CDH13: variants seen among roughly 807,000 people sequenced by gnomAD.
CDH13 encodes the protein cadherin 13.
Under a neutral mutation model 63.8 loss-of-function variants are expected in CDH13, and 24 were observed. The observed-to-expected ratio is 0.38, with a 90% confidence interval of 0.27 to 0.53. The LOEUF (loss-of-function observed/expected upper bound fraction) is 0.53. Among genes scored for constraint, CDH13 ranks in the 20% least tolerant of loss-of-function variants. CDH13 has a pLI of 0.85. For synonymous variants in CDH13, 503 were observed against 355.3 expected, an observed-to-expected ratio of 1.42 and a Z score of -4.67; for missense variants, 1,049 against 903.1, an observed-to-expected ratio of 1.16 and a Z score of -2.07.
intron 4 of CDH13, among the ~76,000 whole-genome samples, chr16:83,210,870 C>T (rs960559503): frequency 4.6e-5 from 7 of 151,354 alleles, no homozygotes; most frequent in Admixed American, 2.6e-4. Context: ...TTACTAGAGG[C>T]CGGGCGTGGT....
At chr16:82,889,324 A>C (rs200833138) in intron 2 of CDH13, among the ~76,000 whole-genome samples, 8 of 110,234 alleles carry the variant, frequency 7.3e-5, no homozygotes, top group East Asian at 2.1e-4. Flanking sequence ...CTCTCTCTCT[A>C]CCTACCTACC....
At chr16:82,645,903 C>T (rs565506480) in intron 1 of CDH13, among the ~76,000 whole-genome samples, 6 of 152,314 alleles carry the variant, frequency 3.9e-5, no homozygotes, top group Admixed American at 2.0e-4. Flanking sequence ...AATGTGAAGA[C>T]GAGATTGCTG....
At chr16:83,481,519 C>T (rs187655175) in intron 6 of CDH13, among the ~76,000 whole-genome samples, 66 of 152,112 alleles carry the variant, frequency 4.3e-4, no homozygotes, top group Admixed American at 4.1e-3. Context: ...AGAAACCAGG[C>T]GGCACTTGCT....
intron 4 of CDH13, among the ~76,000 whole-genome samples, chr16:83,147,828 C>G: frequency 6.6e-6 from 1 of 152,160 alleles, no homozygotes; most frequent in Non-Finnish European, 1.5e-5. Flanking sequence ...ATCTTGGTCT[C>G]TGGCTCTGAG....
intron 2 of CDH13, among the ~76,000 whole-genome samples, chr16:82,974,916 G>A (rs1040145424): frequency 6.6e-6 from 1 of 152,122 alleles, no homozygotes; most frequent in Non-Finnish European, 1.5e-5. Flanking sequence ...TTGTTACAGC[G>A]GCCGCAGGAT....
intron 6 of CDH13, among the ~76,000 whole-genome samples, chr16:83,376,891 G>A (rs772812805): frequency 2.0e-5 from 3 of 152,150 alleles, no homozygotes; most frequent in African/African-American, 2.4e-5. Context: ...CTCTTGCAAC[G>A]TTCACTCTGA....
chr16:83,624,584 C>A (rs1910112035), intron 8 of CDH13, among the ~76,000 whole-genome samples: 1 of 152,240 alleles, frequency 6.6e-6, no homozygotes, highest in South Asian at 2.1e-4. Flanking sequence ...ACTGATCTGA[C>A]AGGAGGCGGT....
At chr16:82,709,013 G>T (rs903019700) in intron 1 of CDH13, among the ~76,000 whole-genome samples, 2 of 152,218 alleles carry the variant, frequency 1.3e-5, no homozygotes, top group African/African-American at 4.8e-5. Context: ...ATACTTCACA[G>T]TTGAGAAGTG....
chr16:82,928,011 G>A (rs1375706279), intron 2 of CDH13, among the ~76,000 whole-genome samples: 1 of 152,172 alleles, frequency 6.6e-6, no homozygotes, highest in Non-Finnish European at 1.5e-5. Context: ...TGTTTTTGCT[G>A]TGTATCTCTC....
chr16:83,345,625 G>A (rs950841479), intron 6 of CDH13, among the ~76,000 whole-genome samples: 4 of 152,106 alleles, frequency 2.6e-5, no homozygotes, highest in Admixed American at 6.5e-5. Flanking sequence ...TATCAGGGAC[G>A]GTTTTAGAAT....
chr16:83,004,656 C>G (rs905424938), intron 2 of CDH13, among the ~76,000 whole-genome samples: 3 of 152,080 alleles, frequency 2.0e-5, no homozygotes, highest in African/African-American at 7.2e-5. Flanking sequence ...CGCCACCACA[C>G]CCAGCAAATT....
Position 83,768,234 on chromosome 16 carries a change from C to T in CDH13, c.1682-11734C>T, listed in dbSNP as rs567786394. On this transcript the variant is annotated intron_variant, in intron 11 of 13. Transcript: ENST00000567109. ...TGTCTATTAATGACAAGATATAAAG[C>T]ACTTATATATATAGCTACTGAACAA... 6.6e-5 allele frequency among the ~76,000 whole-genome samples: 10 copies of T among 151,584 alleles called. No homozygotes were observed. In the East Asian group the frequency reaches 1.9e-3, roughly 29 times the overall value.
intron 6 of CDH13, among the ~76,000 whole-genome samples, chr16:83,480,096 G>A (rs1433547843): frequency 6.6e-6 from 1 of 152,120 alleles, no homozygotes. Flanking sequence ...AGGACAACGT[G>A]GGCAGATCGC....
At chr16:83,012,621 G>A (rs932005156) in intron 2 of CDH13, among the ~76,000 whole-genome samples, 7 of 152,098 alleles carry the variant, frequency 4.6e-5, no homozygotes, top group Non-Finnish European at 1.0e-4. Context: ...TTAAGTATGG[G>A]AAACAGACCT....
At chr16:83,309,451 C>G (rs1017419932) in intron 5 of CDH13, among the ~76,000 whole-genome samples, 12 of 152,158 alleles carry the variant, frequency 7.9e-5, no homozygotes, top group African/African-American at 2.9e-4. Flanking sequence ...TCTCGGCTCA[C>G]TGCAACCTTC....
chr16:82,978,047 C>G (rs897531048), intron 2 of CDH13, among the ~76,000 whole-genome samples: 2 of 152,120 alleles, frequency 1.3e-5, no homozygotes, highest in Admixed American at 6.5e-5. Flanking sequence ...AGCACAGGGA[C>G]TGGTGGCATT....
At chr16:82,978,021 A>G (rs1229064962) in intron 2 of CDH13, among the ~76,000 whole-genome samples, 2 of 151,996 alleles carry the variant, frequency 1.3e-5, no homozygotes, top group Non-Finnish European at 2.9e-5. Context: ...AGCAAAGGTG[A>G]CTCTCGTTAT....
At chr16:82,901,074 T>A (rs1350207029) in intron 2 of CDH13, among the ~76,000 whole-genome samples, 2 of 17,014 alleles carry the variant, frequency 1.2e-4, no homozygotes, top group Non-Finnish European at 1.1e-4. Context: ...TGTATATTGA[T>A]TTTTTTTTTT....
intron 8 of CDH13, among the ~76,000 whole-genome samples, chr16:83,645,250 A>G (rs558653151): frequency 6.6e-6 from 1 of 152,244 alleles, no homozygotes; most frequent in Admixed American, 6.5e-5. Context: ...TTGCAGCAAC[A>G]TGGGTGGAGC....
Sources: gnomAD v4.1 joint callset for allele counts (sites outside exome capture counted in the v4.1 genomes callset) on GRCh38, gnomAD v4.1.1 for gene constraint, MANE v1.5 for transcripts, NCBI Gene and HGNC (gene_info 2026-07-23, HGNC 2026-07-21) for gene names.